The following PLA2G4A variants were observed in gnomAD, a reference collection of about 807,000 sequenced individuals.
The protein encoded by PLA2G4A is cytosolic phospholipase A2.
A neutral mutation model predicts 81.9 loss-of-function variants in PLA2G4A; 40 were observed. That is an observed-to-expected ratio of 0.49 (90% CI 0.38 to 0.64). The LOEUF (loss-of-function observed/expected upper bound fraction) is 0.64. Among genes scored for constraint, PLA2G4A ranks in the 30% least tolerant of loss-of-function variants. The pLI, the probability that PLA2G4A is intolerant of heterozygous loss-of-function variation, is 0.00. For missense variants in PLA2G4A, 715 were observed against 905.1 expected, an observed-to-expected ratio of 0.79 and a Z score of 2.69; for synonymous variants, 302 against 296.9, an observed-to-expected ratio of 1.02 and a Z score of -0.18.
chr1:186,982,189 C>T (rs980806715), intron 17 of PLA2G4A, among the ~76,000 whole-genome samples: 1 of 152,228 alleles, frequency 6.6e-6, no homozygotes, highest in Non-Finnish European at 1.5e-5. Context: ...AAAGGGCAAT[C>T]TTTCCTGTAT....
chr1:186,891,048 T>C (rs1167757065), intron 3 of PLA2G4A, among the ~76,000 whole-genome samples: 2 of 152,178 alleles, frequency 1.3e-5, no homozygotes, highest in Non-Finnish European at 2.9e-5. Flanking sequence ...ATGACTTCCA[T>C]TATTTTATCT....
chr1:186,922,473 C>T (rs540123063), intron 7 of PLA2G4A, among the ~76,000 whole-genome samples: 28 of 152,210 alleles, frequency 1.8e-4, no homozygotes, highest in African/African-American at 6.5e-4. Flanking sequence ...TGTGTTGATC[C>T]TTCACGGGGG....
intron 15 of PLA2G4A, among the ~76,000 whole-genome samples, chr1:186,976,329 C>T (rs1031872338): frequency 1.3e-5 from 2 of 152,094 alleles, no homozygotes; most frequent in African/African-American, 4.8e-5. Context: ...AGGAATTTTC[C>T]TCTCTAATGT....
intron 11 of PLA2G4A, 38 bp downstream of exon 11, chr1:186,946,812 T>C (rs774316474): frequency 2.3e-5 from 36 of 1,597,056 alleles, no homozygotes; most frequent in Middle Eastern, 1.7e-4. Flanking sequence ...TTGACTTGCT[T>C]GACTATTTTG....
chr1:186,954,211 C>A (rs1025015537), intron 13 of PLA2G4A, among the ~76,000 whole-genome samples: 7 of 151,970 alleles, frequency 4.6e-5, no homozygotes, highest in Admixed American at 2.6e-4. Context: ...TTGTGGTAGA[C>A]AGGATTAAGA....
intron 2 of PLA2G4A, among the ~76,000 whole-genome samples, chr1:186,856,217 C>T (rs1355775596): frequency 6.6e-6 from 1 of 151,856 alleles, no homozygotes. Flanking sequence ...GAATCTCATC[C>T]ACAACTAAAC....
intron 3 of PLA2G4A, among the ~76,000 whole-genome samples, chr1:186,892,156 AG>A (rs1310842608): frequency 6.6e-6 from 1 of 152,114 alleles, no homozygotes; most frequent in Non-Finnish European, 1.5e-5. Context: ...GTTTTTCTAC[AG>A]TTTTTTGAGC....
At chr1:186,946,321 T>A (rs528964106) in intron 10 of PLA2G4A, among the ~76,000 whole-genome samples, 82 of 152,288 alleles carry the variant, frequency 5.4e-4, no homozygotes, top group African/African-American at 1.9e-3. Flanking sequence ...GTTAGCAGTT[T>A]TCAGTTTCCT....
intron 8 of PLA2G4A, among the ~76,000 whole-genome samples, chr1:186,933,250 G>T (rs1377436535): frequency 6.6e-6 from 1 of 152,076 alleles, no homozygotes; most frequent in Non-Finnish European, 1.5e-5. Flanking sequence ...CTGATTTGTA[G>T]TCCTTCAGTG....
At chr1:186,922,135 G>A (rs1167707479) in intron 7 of PLA2G4A, among the ~76,000 whole-genome samples, 2 of 151,942 alleles carry the variant, frequency 1.3e-5, no homozygotes, top group Non-Finnish European at 2.9e-5. Context: ...GTGTTTCCTC[G>A]AGACAAAAGA....
At chr1:186,859,965 T>C (rs116599466) in intron 2 of PLA2G4A, among the ~76,000 whole-genome samples, 1 of 152,148 alleles carries the variant, frequency 6.6e-6, no homozygotes, top group Non-Finnish European at 1.5e-5. Flanking sequence ...TGATGAGATG[T>C]CGCTACTAGA....
rs374085103 is a variant in PLA2G4A at position 186,988,355 on chromosome 1, C to T, written c.2119-22C>T. On this transcript the variant is annotated intron_variant, in intron 17 of 17. Transcript: ENST00000367466. ...TGAGTTCATAGCAGCGCTAATTATA[C>T]AACTTCTGTCTCTATTTGCAGGTGA... 5.4e-5 allele frequency: 87 copies of T among 1,597,516 alleles called. 1 individual carries two copies. The highest frequency in any genetic ancestry group is 5.0e-4 in the Middle Eastern group (3 of 6,034).
At chr1:186,889,753 T>C (rs1654068551) in intron 3 of PLA2G4A, among the ~76,000 whole-genome samples, 1 of 124,654 alleles carries the variant, frequency 8.0e-6, no homozygotes. Flanking sequence ...TATTTTCAAC[T>C]GTTGGATCTT....
rs564216313 is a variant in PLA2G4A, at chr1:186,902,051, G to A, written c.379-4914G>A. On this transcript the variant is annotated intron_variant, in intron 5 of 17. Coordinates refer to ENST00000367466, the MANE Select transcript of PLA2G4A (RefSeq NM_024420.3). ...TGCTTACACAAACCTAGATGGTACA[G>A]CCTGCTATACACCTAGGCTATATGG... Among the ~76,000 whole-genome samples the A allele has an allele frequency of 7.9e-5, 12 of 152,258 alleles. 1 individual carries two copies. Among genetic ancestry groups the A allele is most frequent in the African/African-American group, 1.2e-4 (5 of 41,548 alleles).
chr1:186,907,395 T>A (rs534600482), intron 6 of PLA2G4A, among the ~76,000 whole-genome samples: 1 of 152,288 alleles, frequency 6.6e-6, no homozygotes, highest in East Asian at 1.9e-4. Flanking sequence ...AAACAGAAAC[T>A]ATATAATAAT....
At chr1:186,912,761 C>CATATATATATATATATACATATATATAA (rs1655000248) in intron 7 of PLA2G4A, among the ~76,000 whole-genome samples, 1 of 106,642 alleles carries the variant, frequency 9.4e-6, no homozygotes, top group African/African-American at 5.2e-5. Flanking sequence ...TATATATATA[C>CATATATATATATATATACATATATATAA]ATAAGTATAT....
chr1:186,950,623 G>A, intron 12 of PLA2G4A, 34 bp from the exon 13 acceptor site: 1 of 1,206,982 alleles, frequency 8.3e-7, no homozygotes, highest in Non-Finnish European at 1.2e-6. Flanking sequence ...TTTGACACCT[G>A]AAATGCTTCA....
intron 10 of PLA2G4A, among the ~76,000 whole-genome samples, chr1:186,944,179 A>G (rs1415643400): frequency 6.6e-6 from 1 of 152,102 alleles, no homozygotes; most frequent in Non-Finnish European, 1.5e-5. Flanking sequence ...GTGGGAGGAG[A>G]TGACAGAATA....
intron 1 of PLA2G4A, among the ~76,000 whole-genome samples, chr1:186,837,752 AGAAAAAG>A (rs1190973707): frequency 9.7e-5 from 14 of 143,632 alleles, no homozygotes; most frequent in Non-Finnish European, 6.0e-5. Context: ...AAAAAAAAAA[AGAAAAAG>A]AAAAGAAAAA....
Sources: allele counts gnomAD v4.1 joint callset (sites outside exome capture counted in the v4.1 genomes callset), GRCh38; gene constraint gnomAD v4.1.1; transcripts MANE v1.5; gene names NCBI Gene and HGNC (gene_info 2026-07-23, HGNC 2026-07-21).